FBXL13: variants seen among roughly 807,000 people sequenced by gnomAD.
The protein encoded by FBXL13 is F-box and leucine-rich repeat protein 13.
FBXL13 carries 67 observed loss-of-function variants against 83.6 expected under a neutral mutation model. The observed-to-expected ratio is 0.80, with a 90% CI of 0.66 to 0.98. FBXL13 has a LOEUF of 0.98. Ranked by LOEUF, FBXL13 falls within the 50% of genes least tolerant of loss-of-function variation. FBXL13 has a pLI of 0.00. For missense variants in FBXL13, 822 were observed against 866.5 expected, an observed-to-expected ratio of 0.95 and a Z score of 0.64; for synonymous variants, 272 against 299.5, an observed-to-expected ratio of 0.91 and a Z score of 0.95.
chr7:102,988,459 A>G (rs1461193624), intron 6 of FBXL13: 2 of 152,262 alleles, frequency 1.3e-5, no homozygotes, highest in Non-Finnish European at 2.9e-5. Flanking sequence ...TAATGAAAAT[A>G]GAAGATAAAT....
intron 18 of FBXL13, among the ~76,000 whole-genome samples, chr7:102,831,274 A>C (rs1205597370): frequency 6.6e-6 from 1 of 152,106 alleles, no homozygotes; most frequent in Non-Finnish European, 1.5e-5. Flanking sequence ...TTCAAGAACA[A>C]TTTTGGCCCT....
chr7:102,946,070 C>T (rs1235834442), intron 8 of FBXL13, among the ~76,000 whole-genome samples: 4 of 152,060 alleles, frequency 2.6e-5, no homozygotes, highest in Admixed American at 6.5e-5. Flanking sequence ...TTAGTAGAGA[C>T]GAGGTTTCAC....
At chr7:102,938,627 G>C (rs996432064) in intron 8 of FBXL13, among the ~76,000 whole-genome samples, 4 of 152,154 alleles carry the variant, frequency 2.6e-5, no homozygotes, top group African/African-American at 9.7e-5. Context: ...ATAGTACCTG[G>C]ACTAGAAATA....
chr7:102,964,405 T>TATATATATA lies in FBXL13; in HGVS notation c.592-741_592-740insTATATATAT, dbSNP rs35861251. 2.0e-4 allele frequency among the ~76,000 whole-genome samples: 25 copies of TATATATATA among 128,056 alleles called. No homozygotes were observed. In the East Asian group the frequency reaches 5.3e-3, roughly 27 times the overall value. The allele number at this position is 128,056 out of a possible 152,430, so 84.0% of individuals were successfully genotyped here. ...AATTTTGTGACTATATATATATATA[T>TATATATATA]TTTTTTTTTTTTTTCCAGACTGAGT... On this transcript the variant is annotated intron_variant, in intron 7 of 19. Coordinates refer to ENST00000313221, the Ensembl canonical transcript of FBXL13.
At chr7:103,053,882 C>A (rs1053258323) in intron 2 of FBXL13, among the ~76,000 whole-genome samples, 1 of 152,326 alleles carries the variant, frequency 6.6e-6, no homozygotes, top group East Asian at 1.9e-4. Flanking sequence ...ACTGGCACCT[C>A]AGAATCATCT....
At chr7:102,903,939 C>CTTTTCTTTTTTTTTTTTTT (rs1321420603) in intron 11 of FBXL13, among the ~76,000 whole-genome samples, 25 of 43,450 alleles carry the variant, frequency 5.8e-4, no homozygotes, top group African/African-American at 1.3e-3. Flanking sequence ...CTTTTCTTTT[C>CTTTTCTTTTTTTTTTTTTT]TTTTTTTTTT....
chr7:102,884,013 G>A (rs1810459951), intron 12 of FBXL13, among the ~76,000 whole-genome samples: 1 of 152,120 alleles, frequency 6.6e-6, no homozygotes, highest in Admixed American at 6.6e-5. Context: ...AATCCTAACT[G>A]TGAAACAAGG....
chr7:102,945,272 A>G (rs1363394828), intron 8 of FBXL13, among the ~76,000 whole-genome samples: 2 of 152,214 alleles, frequency 1.3e-5, no homozygotes, highest in Non-Finnish European at 2.9e-5. Context: ...ACAGCTGTAG[A>G]TGGTGTGAAG....
intron 11 of FBXL13, among the ~76,000 whole-genome samples, chr7:102,903,939 C>CTTTTTTTTTTTTTTT (rs1166655004): frequency 7.9e-3 from 339 of 43,160 alleles, no homozygotes; most frequent in Middle Eastern, 0.036. Flanking sequence ...CTTTTCTTTT[C>CTTTTTTTTTTTTTTT]TTTTTTTTTT....
intron 6 of FBXL13, among the ~76,000 whole-genome samples, chr7:102,982,714 T>C (rs1828405513): frequency 6.6e-6 from 1 of 152,188 alleles, no homozygotes; most frequent in African/African-American, 2.4e-5. Context: ...TATTCTTTCA[T>C]TTGCAACCAT....
At chr7:102,925,484 G>A (rs1817948207) in intron 10 of FBXL13, among the ~76,000 whole-genome samples, 1 of 152,134 alleles carries the variant, frequency 6.6e-6, no homozygotes, top group South Asian at 2.1e-4. Flanking sequence ...AAAAAGAGAA[G>A]CAATATTCAC....
chr7:103,062,263 A>T (rs549734278), intron 1 of FBXL13, among the ~76,000 whole-genome samples: 2 of 152,268 alleles, frequency 1.3e-5, no homozygotes, highest in Non-Finnish European at 2.9e-5. Context: ...CCTGTGGGGC[A>T]GTCCTTGTTT....
Position 102,917,495 on chromosome 7 carries a change from A to T in FBXL13, c.879-4280T>A, listed in dbSNP as rs145092086. On this transcript the variant is annotated intron_variant, in intron 10 of 19. Transcript: ENST00000313221. ...TTATAATTCAGGAAAAGGAAAAATC[A>T]CTGCAGACTTCTGGTAGATGGCGAG... is the stretch of plus-strand genomic sequence containing the variant. 1.3e-3 allele frequency among the ~76,000 whole-genome samples: 203 copies of T among 152,338 alleles called. 4 individuals carry two copies. In the East Asian group the frequency reaches 0.037, roughly 28 times the overall value.
At chr7:102,950,738 G>C (rs980486695) in intron 8 of FBXL13, among the ~76,000 whole-genome samples, 1 of 152,128 alleles carries the variant, frequency 6.6e-6, no homozygotes, top group African/African-American at 2.4e-5. Context: ...ATTAATAAGT[G>C]AAGGAAGCCC....
intron 19 of FBXL13, among the ~76,000 whole-genome samples, chr7:102,817,743 A>C (rs1798205361): frequency 6.6e-6 from 1 of 152,182 alleles, no homozygotes; most frequent in African/African-American, 2.4e-5. Context: ...ATATTGAAAA[A>C]AACATGTATT....
At chr7:102,914,850 C>T (rs527908802) in intron 10 of FBXL13, among the ~76,000 whole-genome samples, 16 of 152,268 alleles carry the variant, frequency 1.1e-4, no homozygotes, top group African/African-American at 3.1e-4. Context: ...TTTGGAAATG[C>T]GTTATCTTCC....
intron 6 of FBXL13, among the ~76,000 whole-genome samples, chr7:102,996,954 T>G (rs1293560315): frequency 6.6e-6 from 1 of 152,194 alleles, no homozygotes; most frequent in East Asian, 1.9e-4. Context: ...ATTGGTTATA[T>G]TTTATTATAT....
At chr7:103,017,521 T>C (rs960561702) in intron 6 of FBXL13, among the ~76,000 whole-genome samples, 3 of 152,170 alleles carry the variant, frequency 2.0e-5, no homozygotes, top group Admixed American at 2.0e-4. Context: ...ACGATCAAAC[T>C]TCTCCAAGCT....
rs752823104 is a variant in FBXL13, at chr7:102,934,194, G to A, written c.725-2261C>T. On this transcript the variant is annotated intron_variant, in intron 8 of 19. Coordinates refer to ENST00000313221, the Ensembl canonical transcript of FBXL13. ...ATGCTGCTAGCAAGAAACAAGATCC[G>A]CACATTGAAGAACAACATGTTTTCC... 1.9e-6 allele frequency: 3 copies of A among 1,614,182 alleles called. No homozygotes were observed. The South Asian group carries it at 3.3e-5, about 18-fold the overall frequency.
Sources: gnomAD v4.1 joint callset for allele counts (sites outside exome capture counted in the v4.1 genomes callset) on GRCh38, gnomAD v4.1.1 for gene constraint, MANE v1.5 for transcripts, NCBI Gene and HGNC (gene_info 2026-07-23, HGNC 2026-07-21) for gene names.